Variants in COL22A1 observed in about 807,000 individuals in gnomAD.
COL22A1 encodes the protein collagen type XXII alpha 1 chain.
A neutral mutation model predicts 248.9 loss-of-function variants in COL22A1; 221 were observed. The observed-to-expected ratio is 0.89, with a 90% CI of 0.80 to 0.99. COL22A1 has a LOEUF of 0.99. Ranked by LOEUF, COL22A1 falls within the 50% of genes least tolerant of loss-of-function variation. The pLI, the probability that COL22A1 is intolerant of heterozygous loss-of-function variation, is 0.00. For missense variants in COL22A1, 2,240 were observed against 2,179.0 expected (o/e 1.03, Z -0.56); for synonymous variants, 891 against 793.4 (o/e 1.12, Z -2.07).
intron 3 of COL22A1, among the ~76,000 whole-genome samples, chr8:138,870,539 T>C (rs1376045320): frequency 2.0e-5 from 3 of 151,530 alleles, no homozygotes; most frequent in African/African-American, 4.9e-5. Flanking sequence ...TGCCTAGATA[T>C]AGACTGTGTG....
chr8:138,877,708 G>C (rs758171465), intron 3 of COL22A1, 42 bp downstream of exon 3: 3 of 1,514,174 alleles, frequency 2.0e-6, no homozygotes, highest in South Asian at 1.3e-5. Flanking sequence ...AGCAGGGGGC[G>C]TCACTCTTGG....
intron 18 of COL22A1, among the ~76,000 whole-genome samples, chr8:138,756,458 T>C (rs975694146): frequency 6.6e-6 from 1 of 152,138 alleles, no homozygotes; most frequent in Non-Finnish European, 1.5e-5. Flanking sequence ...AAATGAAGCA[T>C]ATTTATCAAT....
intron 44 of COL22A1, among the ~76,000 whole-genome samples, chr8:138,659,184 G>C (rs1351766734): frequency 3.9e-5 from 6 of 152,172 alleles, no homozygotes; most frequent in Non-Finnish European, 8.8e-5. Flanking sequence ...GGAAACAGGA[G>C]TAATTAAGAT....
intron 48 of COL22A1, 87 bp from the exon 49 acceptor site, chr8:138,635,150 A>C: frequency 9.0e-7 from 1 of 1,111,442 alleles, no homozygotes; most frequent in South Asian, 1.5e-5. Context: ...AAAACAATAC[A>C]GAATCCACCT....
chr8:138,709,912 G>T (rs1828810727), intron 30 of COL22A1, among the ~76,000 whole-genome samples: 1 of 152,112 alleles, frequency 6.6e-6, no homozygotes, highest in Non-Finnish European at 1.5e-5. Flanking sequence ...CATGCCCTGA[G>T]CACAATTACA....
intron 5 of COL22A1, among the ~76,000 whole-genome samples, chr8:138,827,532 G>A (rs1381382947): frequency 2.6e-5 from 4 of 151,922 alleles, no homozygotes; most frequent in Admixed American, 2.6e-4. Context: ...AGAATAGACT[G>A]GGATGTAGCA....
chr8:138,596,893 C>T lies in COL22A1; in HGVS notation c.4432+11G>A, dbSNP rs1221253396. Reference sequence around the variant, plus strand: ...TTCTCTGCAAGACCGTAACACAGTCCAGATACTCACTTTCAAGCTGCTTCC... The same window carrying T: ...TTCTCTGCAAGACCGTAACACAGTCTAGATACTCACTTTCAAGCTGCTTCC... On this transcript the variant is annotated intron_variant, in intron 62 of 64. Coordinates refer to ENST00000303045, the MANE Select transcript of COL22A1 (RefSeq NM_152888.3). 6.2e-7 allele frequency: 1 copy of T among 1,613,450 alleles called. No individual in the cohort carries two copies. Among genetic ancestry groups the T allele is most frequent in the Non-Finnish European group, 8.5e-7 (1 of 1,179,474 alleles).
chr8:138,800,988 A>G (rs948392256), intron 11 of COL22A1, among the ~76,000 whole-genome samples: 1 of 152,180 alleles, frequency 6.6e-6, no homozygotes. Context: ...ACTAGGCCTC[A>G]CGTCACCGAG....
At chr8:138,664,455 G>A (rs1824322212) in intron 41 of COL22A1, among the ~76,000 whole-genome samples, 1 of 152,038 alleles carries the variant, frequency 6.6e-6, no homozygotes. Flanking sequence ...GCATTTCCAT[G>A]AAGACTCTGT....
intron 30 of COL22A1, among the ~76,000 whole-genome samples, chr8:138,713,348 A>T (rs1829175046): frequency 6.6e-6 from 1 of 152,090 alleles, no homozygotes; most frequent in African/African-American, 2.4e-5. Context: ...TAGTTCTTTC[A>T]CCTATAAACT....
chr8:138,672,879 C>A (rs866877164), intron 41 of COL22A1, among the ~76,000 whole-genome samples: 2 of 152,180 alleles, frequency 1.3e-5, no homozygotes, highest in African/African-American at 2.4e-5. Flanking sequence ...CTTCACAAAC[C>A]CCAGCTCCTT....
At chr8:138,810,662 C>T (rs1818135474) in intron 9 of COL22A1, among the ~76,000 whole-genome samples, 2 of 152,190 alleles carry the variant, frequency 1.3e-5, no homozygotes. Flanking sequence ...ACTGAGAACT[C>T]CCCAAGGGTT....
chr8:138,726,302 G>C (rs1830302434), intron 23 of COL22A1, among the ~76,000 whole-genome samples: 1 of 151,622 alleles, frequency 6.6e-6, no homozygotes, highest in Admixed American at 6.6e-5. Context: ...GACTAGACTG[G>C]GCAAAATAGC....
chr8:138,817,541 A>C (rs1285059043), intron 7 of COL22A1, among the ~76,000 whole-genome samples: 1 of 152,142 alleles, frequency 6.6e-6, no homozygotes, highest in Non-Finnish European at 1.5e-5. Flanking sequence ...ATAGGTGGGG[A>C]ACCAACTACT....
At chr8:138,807,072 A>G (rs1260238928) in intron 10 of COL22A1, among the ~76,000 whole-genome samples, 3 of 152,174 alleles carry the variant, frequency 2.0e-5, no homozygotes, top group African/African-American at 7.2e-5. Context: ...GAGTGGAAGG[A>G]AAGAGAGAGA....
In COL22A1 at chr8:138,902,739, T is replaced by TATATACACAC. The variant is rs763466994; in HGVS notation, c.-73+10879_-73+10880insGTGTGTATAT. Among the ~76,000 whole-genome samples, 851 of 93,862 alleles carry TATATACACAC rather than the reference T, an allele frequency of 9.1e-3. 8 individuals are homozygous for TATATACACAC. Among genetic ancestry groups the TATATACACAC allele is most frequent in the African/African-American group, 0.035 (772 of 22,074 alleles). The allele number at this position is 93,862 out of a possible 152,430, so 61.6% of individuals were successfully genotyped here. On this transcript the variant is annotated intron_variant, in intron 1 of 64. Transcript: ENST00000303045. The stretch of plus-strand genomic sequence containing the variant: ...AAAAATTTATAAATATATATATATA[T>TATATACACAC]ACACACACACACACACACACACACA...
At chr8:138,728,177 C>A (rs949619014) in intron 23 of COL22A1, among the ~76,000 whole-genome samples, 1 of 151,886 alleles carries the variant, frequency 6.6e-6, no homozygotes, top group African/African-American at 2.4e-5. Flanking sequence ...AGACTACAGG[C>A]GTGTGCTACC....
At chr8:138,621,180 C>A (rs577036709) in intron 52 of COL22A1, among the ~76,000 whole-genome samples, 2 of 152,342 alleles carry the variant, frequency 1.3e-5, no homozygotes, top group African/African-American at 4.8e-5. Context: ...AGGGAGGTGT[C>A]TGCCTCCTTG....
At position 138,693,628 on chromosome 8, in the gene COL22A1, C is replaced by T. The variant is rs766691870; in HGVS notation, c.2754+18G>A. 6.4e-7 allele frequency: 1 copy of T among 1,573,266 alleles called. No homozygotes were observed. The highest frequency in any genetic ancestry group is 1.8e-5 in the Admixed American group (1 of 54,850). Reference sequence around the variant, plus strand: ...CTCCGGGGCTCCCCCACGAGGCAGGCCGATCATAGGGACTCACGGGGTTTC... The same window carrying T: ...CTCCGGGGCTCCCCCACGAGGCAGGTCGATCATAGGGACTCACGGGGTTTC... On this transcript the variant is annotated intron_variant, in intron 35 of 64. Coordinates refer to ENST00000303045, the MANE Select transcript of COL22A1 (RefSeq NM_152888.3).
Sources: allele counts gnomAD v4.1 joint callset (sites outside exome capture counted in the v4.1 genomes callset), GRCh38; gene constraint gnomAD v4.1.1; transcripts MANE v1.5; gene names NCBI Gene and HGNC (gene_info 2026-07-23, HGNC 2026-07-21).